STXBP4: variants seen among roughly 807,000 people sequenced by gnomAD.
The protein encoded by STXBP4 is syntaxin-binding protein 4.
A neutral mutation model predicts 76.1 loss-of-function variants in STXBP4; 55 were observed. That is an observed-to-expected ratio of 0.72 (90% CI 0.58 to 0.91). The LOEUF is 0.91. STXBP4 is among the 40% of genes least tolerant of loss of function. The pLI is 0.00. For missense variants in STXBP4, 618 were observed against 636.9 expected (o/e 0.97, Z 0.32); for synonymous variants, 201 against 220.2 (o/e 0.91, Z 0.77).
intron 16 of STXBP4, among the ~76,000 whole-genome samples, chr17:55,104,664 C>G (rs546736157): frequency 4.9e-4 from 74 of 152,230 alleles, no homozygotes; most frequent in South Asian, 4.4e-3. Context: ...GGAGGAGTCC[C>G]TCTTTTTCTT....
chr17:55,128,271 A>G (rs1237985632), intron 16 of STXBP4, among the ~76,000 whole-genome samples: 1 of 150,580 alleles, frequency 6.6e-6, no homozygotes, highest in Non-Finnish European at 1.5e-5. Flanking sequence ...AATGAAAGTC[A>G]AAAAAGTGTT....
chr17:55,114,418 G>A (rs1598325523), intron 16 of STXBP4, among the ~76,000 whole-genome samples: 2 of 151,988 alleles, frequency 1.3e-5, no homozygotes, highest in East Asian at 3.8e-4. Flanking sequence ...GTGATTGGCT[G>A]TATCACAGTT....
At chr17:55,116,261 G>A (rs535878604) in intron 16 of STXBP4, among the ~76,000 whole-genome samples, 8 of 151,736 alleles carry the variant, frequency 5.3e-5, no homozygotes, top group Non-Finnish European at 7.4e-5. Flanking sequence ...TTTTATCATC[G>A]AAATATGTTT....
chr17:55,018,552 G>A (rs1159676743), intron 8 of STXBP4, among the ~76,000 whole-genome samples: 1 of 152,200 alleles, frequency 6.6e-6, no homozygotes, highest in Non-Finnish European at 1.5e-5. Flanking sequence ...TCCGTGTGAA[G>A]AGACCACCAA....
chr17:55,198,595 C>T, the STXBP4 span, among the ~76,000 whole-genome samples: 3 of 152,214 alleles, frequency 2.0e-5, no homozygotes, highest in Non-Finnish European at 4.4e-5. Flanking sequence ...TTTTGTTTAT[C>T]GTAAATTCCC....
Position 55,081,083 on chromosome 17 carries a change from C to T in STXBP4, c.1389C>T (p.Ser463=), listed in dbSNP as rs1184080588. 3 of 1,541,424 alleles carry T rather than the reference C, an allele frequency of 1.9e-6. No homozygotes were observed. Among genetic ancestry groups the T allele is most frequent in the Non-Finnish European group, 2.6e-6 (3 of 1,150,658 alleles). ...ERRAVLASQT[S]LTPLGRNGRS... ...GAGCTGTGTTAGCTTCTCAGACTTC[C>T]CTCACACCACTGGGAAGGAATGGAC... The change falls in exon 16 of 18, where the codon TCC becomes TCT. Residue 463 remains serine, a synonymous_variant. Transcript: ENST00000376352.
chr17:55,043,272 G>C lies in STXBP4; in HGVS notation c.892G>C (p.Glu298Gln), dbSNP rs2078733709. ...TGATTCTTCAGAAGCAGATGAAATG[G>C]AAAGGCTCAAGTGTGAAAGAGATGA... is the stretch of plus-strand genomic sequence containing the variant. Reference protein sequence around the residue: ...PCDSSEADEMERLKCERDDAL... With the variant: ...PCDSSEADEMQRLKCERDDAL... Residue 298 changes from glutamate (E) to glutamine (Q), a missense_variant, in exon 11 of 18, where the codon GAA becomes CAA. Transcript: ENST00000376352. 2 of 1,535,184 alleles carry C rather than the reference G, an allele frequency of 1.3e-6. No individual in the cohort carries two copies. Among genetic ancestry groups the C allele is most frequent in the African/African-American group, 1.4e-5 (1 of 71,314 alleles).
At chr17:55,052,167 G>A (rs1042967283) in intron 12 of STXBP4, among the ~76,000 whole-genome samples, 1 of 152,090 alleles carries the variant, frequency 6.6e-6, no homozygotes, top group African/African-American at 2.4e-5. Context: ...CTAGAAGAAA[G>A]CCAGGCTACT....
At chr17:55,195,050 T>C in the STXBP4 span, among the ~76,000 whole-genome samples, 6 of 152,188 alleles carry the variant, frequency 3.9e-5, no homozygotes, top group African/African-American at 1.4e-4. Context: ...GGTGATTTGG[T>C]TGAAACAAAC....
At chr17:55,152,856 T>C (rs895712171) in intron 17 of STXBP4, among the ~76,000 whole-genome samples, 30 of 152,304 alleles carry the variant, frequency 2.0e-4, no homozygotes, top group Middle Eastern at 3.4e-3. Context: ...GCTTTAGACA[T>C]ATCATTTATA....
At position 55,161,600 on chromosome 17, in the gene STXBP4, GC is replaced by G. The variant is rs1302929744; in HGVS notation, c.*1692del. 6.6e-6 allele frequency: 1 copy of G among 152,164 alleles called. No individual in the cohort carries two copies. The highest frequency in any genetic ancestry group is 2.4e-5 in the African/African-American group (1 of 41,446). 9.4% of individuals were successfully genotyped at this position (152,164 alleles called of 1,614,324 possible). On this transcript the variant is annotated 3_prime_UTR_variant, in exon 18 of 18. Transcript: ENST00000376352. ...TGAAATCAAAGTACTCAGGCACACA[GC>G]CCACTGACAAGAGACACCTCATCCA...
intron 17 of STXBP4, among the ~76,000 whole-genome samples, chr17:55,152,666 G>T (rs1279167349): frequency 1.3e-5 from 2 of 152,062 alleles, no homozygotes; most frequent in African/African-American, 4.8e-5. Context: ...TAAGAACTCA[G>T]TATCACAAGA....
intron 1 of STXBP4, among the ~76,000 whole-genome samples, chr17:54,982,015 A>G (rs1033110421): frequency 6.6e-6 from 1 of 152,252 alleles, no homozygotes; most frequent in Non-Finnish European, 1.5e-5. Flanking sequence ...TTAGTATACC[A>G]TAGTGGAGAA....
At position 55,105,443 on chromosome 17, in the gene STXBP4, T is replaced by C. The variant is rs893972219; in HGVS notation, c.1489+24260T>C. ...TGTAGTTGTGCAATTTCAAGTGAATTTCTTAATCCTGAGTTCTTTCTTTTC... is the reference window on the plus strand; with the variant it reads ...TGTAGTTGTGCAATTTCAAGTGAATCTCTTAATCCTGAGTTCTTTCTTTTC... On this transcript the variant is annotated intron_variant, in intron 16 of 17. Coordinates refer to ENST00000376352, the MANE Select transcript of STXBP4 (RefSeq NM_178509.6). Among the ~76,000 whole-genome samples, 3 of 151,774 alleles carry C rather than the reference T, an allele frequency of 2.0e-5. No homozygotes were observed. In the East Asian group the frequency reaches 5.8e-4, roughly 30 times the overall value.
chr17:55,114,817 A>T (rs2145068309), intron 16 of STXBP4, among the ~76,000 whole-genome samples: 2 of 152,018 alleles, frequency 1.3e-5, no homozygotes, highest in East Asian at 3.9e-4. Flanking sequence ...CTTCCCATTG[A>T]ACACAATGGG....
intron 9 of STXBP4, 22 bp downstream of exon 9, chr17:55,031,286 T>G: frequency 6.5e-7 from 1 of 1,532,224 alleles, no homozygotes; most frequent in Non-Finnish European, 9.0e-7. Context: ...TTTATTGTGT[T>G]GTATTATCAC....
At chr17:55,136,560 G>T (rs572541947) in intron 16 of STXBP4, among the ~76,000 whole-genome samples, 1 of 152,144 alleles carries the variant, frequency 6.6e-6, no homozygotes, top group South Asian at 2.1e-4. Context: ...TGTATGTCAT[G>T]GTGTATTACT....
At chr17:55,053,804 C>T (rs1162457325) in intron 12 of STXBP4, among the ~76,000 whole-genome samples, 7 of 152,058 alleles carry the variant, frequency 4.6e-5, no homozygotes, top group Non-Finnish European at 1.5e-5. Context: ...TGAAAATGGA[C>T]ATTTACAAAT....
chr17:55,013,546 C>T (rs1025518431), intron 8 of STXBP4, among the ~76,000 whole-genome samples: 4 of 152,176 alleles, frequency 2.6e-5, no homozygotes, highest in Admixed American at 1.3e-4. Flanking sequence ...TCACTGAGGG[C>T]CTTGGTGCCT....
Sources: gnomAD v4.1 joint callset for allele counts (sites outside exome capture counted in the v4.1 genomes callset) on GRCh38, gnomAD v4.1.1 for gene constraint, MANE v1.5 for transcripts, NCBI Gene and HGNC (gene_info 2026-07-23, HGNC 2026-07-21) for gene names.